LAMA1: variants seen among roughly 807,000 people sequenced by gnomAD.
LAMA1 encodes the protein laminin subunit alpha-1.
In LAMA1, 219 loss-of-function variants were observed where a neutral mutation model predicts 348.7. The ratio of observed to expected loss-of-function variants is 0.63; its 90% CI spans 0.56 to 0.70. The LOEUF (loss-of-function observed/expected upper bound fraction) is 0.70. Ranked by LOEUF, LAMA1 falls within the 30% of genes least tolerant of loss-of-function variation. The pLI, the probability that LAMA1 is intolerant of heterozygous loss-of-function variation, is 0.00. For missense variants in LAMA1, 3,744 were observed against 3,888.0 expected (o/e 0.96, Z 0.99); for synonymous variants, 1,487 against 1,491.0 (o/e 1.00, Z 0.06).
Position 6,955,406 on chromosome 18 carries a change from G to A in LAMA1, c.8154C>T (p.Leu2718=). 6.2e-7 allele frequency: 1 copy of A among 1,614,126 alleles called. No individual in the cohort carries two copies. Among genetic ancestry groups the A allele is most frequent in the Non-Finnish European group, 8.5e-7 (1 of 1,180,038 alleles). ...EYVPGAHQFG[L]TQNSHFILPF... ...GCAAGATGAAATGGCTGTTTTGTGT[G>A]AGACCAAACTGGTGAGCGCCGGGAA... The change falls in exon 57 of 63, where the codon CTC becomes CTT. Residue 2718 remains leucine (L), a synonymous_variant. Transcript: ENST00000389658.
rs141035601 is a variant in LAMA1 at position 7,111,198 on chromosome 18, C to G, written c.61+6462G>C. Among the ~76,000 whole-genome samples the G allele has an allele frequency of 2.3e-3, 350 of 152,204 alleles. 2 individuals carry two copies. The highest frequency in any genetic ancestry group is 8.0e-3 in the African/African-American group (331 of 41,520). ...AGATAACTTCTGGAATGAAGAGATT[C>G]AAACTTCAAATGGTTGATTAAAAAA... is the stretch of plus-strand genomic sequence containing the variant. On this transcript the variant is annotated intron_variant, in intron 1 of 62. Transcript: ENST00000389658.
At chr18:7,106,513 C>T (rs530139145) in intron 1 of LAMA1, among the ~76,000 whole-genome samples, 59 of 152,154 alleles carry the variant, frequency 3.9e-4, no homozygotes, top group African/African-American at 1.3e-3. Context: ...GTGTGCACCA[C>T]CACTCCCAGC....
At chr18:6,999,849 C>T (rs1430016529) in intron 31 of LAMA1, 62 bp downstream of exon 31, 2 of 1,455,164 alleles carry the variant, frequency 1.4e-6, no homozygotes, top group Non-Finnish European at 9.7e-7. Flanking sequence ...GTAAATATGC[C>T]CAATACCTTA....
At chr18:6,973,322 C>A (rs751818517) in intron 46 of LAMA1, 115 bp from the exon 47 acceptor site, 21 of 884,378 alleles carry the variant, frequency 2.4e-5, no homozygotes, top group South Asian at 4.3e-5. Flanking sequence ...TGCAACAGCA[C>A]CCCCCTGCTG....
chr18:7,032,745 A>G (rs952882630), intron 15 of LAMA1, among the ~76,000 whole-genome samples: 21 of 152,198 alleles, frequency 1.4e-4, no homozygotes, highest in Non-Finnish European at 2.2e-4. Flanking sequence ...CTTGTTGACT[A>G]AGGCAAGAGG....
intron 12 of LAMA1, among the ~76,000 whole-genome samples, chr18:7,036,809 A>T (rs183228959): frequency 1.3e-5 from 2 of 152,344 alleles, no homozygotes; most frequent in Non-Finnish European, 1.5e-5. Flanking sequence ...GAAGCGTACC[A>T]AGCTACAAGA....
intron 24 of LAMA1, 80 bp from the exon 25 acceptor site, chr18:7,011,559 G>T: frequency 1.5e-6 from 2 of 1,304,636 alleles, no homozygotes; most frequent in Non-Finnish European, 1.1e-6. Flanking sequence ...TTCCATCATT[G>T]TTTCACAGAT....
At chr18:7,110,137 C>T (rs574206234) in intron 1 of LAMA1, among the ~76,000 whole-genome samples, 49 of 151,650 alleles carry the variant, frequency 3.2e-4, no homozygotes, top group Non-Finnish European at 5.9e-4. Context: ...GCCGAGATCA[C>T]GCTACTGCAC....
chr18:7,104,403 C>A (rs931120336), intron 1 of LAMA1, among the ~76,000 whole-genome samples: 1 of 152,154 alleles, frequency 6.6e-6, no homozygotes, highest in Non-Finnish European at 1.5e-5. Flanking sequence ...GCAAAACTCT[C>A]GGCCCTTAAG....
At position 6,943,338 on chromosome 18, in the gene LAMA1, G is replaced by A. The variant is rs1201037488; in HGVS notation, c.8909C>T (p.Thr2970Ile). ...GTGCCATTTTCCATCACAGAGCACA[G>A]TGGCGGTTTTGGGCTCATATGCAGC... ...ITAAYEPKTATVLCDGKWHTL... is the reference protein window; with the variant it reads ...ITAAYEPKTAIVLCDGKWHTL... The change falls in exon 62 of 63, where the codon ACT becomes ATT. Residue 2970 changes from threonine to isoleucine, a missense_variant. Around this residue, in one of 3 missense-constraint regions of LAMA1, gnomAD observed 232 missense variants for 264.4 expected, o/e 0.88. Transcript: ENST00000389658. The A allele has an allele frequency of 6.2e-7, 1 of 1,614,106 alleles. No homozygotes were observed. Among genetic ancestry groups the A allele is most frequent in the Non-Finnish European group, 8.5e-7 (1 of 1,180,050 alleles).
At chr18:7,010,812 C>G (rs1479587019) in intron 25 of LAMA1, among the ~76,000 whole-genome samples, 1 of 152,078 alleles carries the variant, frequency 6.6e-6, no homozygotes, top group Non-Finnish European at 1.5e-5. Flanking sequence ...TTTTTCCCCC[C>G]AAATGAGTGA....
intron 7 of LAMA1, 91 bp from the exon 8 acceptor site, chr18:7,043,496 T>C: frequency 9.8e-7 from 1 of 1,022,708 alleles, no homozygotes; most frequent in Non-Finnish European, 1.5e-6. Context: ...TTCTATGATT[T>C]TAGATTAAAT....
chr18:7,029,910 C>T (rs918334924), intron 16 of LAMA1, among the ~76,000 whole-genome samples: 2 of 151,440 alleles, frequency 1.3e-5, no homozygotes, highest in Non-Finnish European at 2.9e-5. Flanking sequence ...GATAGTTATA[C>T]GCAAGGCCCA....
At chr18:7,025,885 TAC>T in intron 17 of LAMA1, 92 bp downstream of exon 17, 4 of 1,508,846 alleles carry the variant, frequency 2.7e-6, no homozygotes, top group Non-Finnish European at 3.6e-6. Context: ...ACACACGTAT[TAC>T]ACACACAGTC....
intron 56 of LAMA1, 63 bp from the exon 57 acceptor site, chr18:6,955,528 G>A (rs372559318): frequency 4.1e-6 from 5 of 1,212,900 alleles, no homozygotes; most frequent in South Asian, 1.2e-5. Context: ...TGACACACGC[G>A]TGTTCCGCCA....
At position 7,093,827 on chromosome 18, in the gene LAMA1, T is replaced by C. The variant is rs566466696; in HGVS notation, c.62-13370A>G. Among the ~76,000 whole-genome samples, 120 of 144,654 alleles carry C rather than the reference T, an allele frequency of 8.3e-4. No individual in the cohort carries two copies. In the Middle Eastern group the frequency reaches 0.018, roughly 22 times the overall value. 94.9% of individuals were successfully genotyped at this position (144,654 alleles called of 152,430 possible). ...TCTCTCTCTGTTGCCCAGGCTGGAGTGCAGTGTCACGATATCGGCTCCCCG... is the reference window on the plus strand; with the variant it reads ...TCTCTCTCTGTTGCCCAGGCTGGAGCGCAGTGTCACGATATCGGCTCCCCG... On this transcript the variant is annotated intron_variant, in intron 1 of 62. Transcript: ENST00000389658.
intron 57 of LAMA1, among the ~76,000 whole-genome samples, chr18:6,951,755 C>T (rs981959031): frequency 6.6e-6 from 1 of 152,126 alleles, no homozygotes; most frequent in African/African-American, 2.4e-5. Context: ...GGACTCAGAA[C>T]AGATTCAGGA....
chr18:6,943,262 C>T lies in LAMA1; in HGVS notation c.8985G>A (p.Gly2995=), dbSNP rs771365086. The change falls in exon 62 of 63, where the codon GGG becomes GGA. Residue 2995 remains glycine (G), a synonymous_variant. Transcript: ENST00000389658. Reference sequence around the variant, plus strand: ...GTGGACTTTCAGCGCCAACTGCGTTCCCGTCAACAATCAGAGTGATACGGT... The same window carrying T: ...GTGGACTTTCAGCGCCAACTGCGTTTCCGTCAACAATCAGAGTGATACGGT... The part of the protein sequence containing the change: ...SKHRITLIVD[G]NAVGAESPHT... 1.7e-5 allele frequency: 27 copies of T among 1,614,168 alleles called. 1 individual carries two copies. In the South Asian group the frequency reaches 3.0e-4, roughly 18 times the overall value.
rs1398051304 is a variant in LAMA1 at position 7,042,032 on chromosome 18, A to G, written c.1261+113T>C. 6 of 794,280 alleles carry G rather than the reference A, an allele frequency of 7.6e-6. No individual in the cohort carries two copies. In the African/African-American group the frequency reaches 1.0e-4, roughly 14 times the overall value. The allele number at this position is 794,280 out of a possible 1,614,324, so 49.2% of individuals were successfully genotyped here. On this transcript the variant is annotated intron_variant, in intron 9 of 62. Transcript: ENST00000389658. ...GTGCTTGATACGTACTTGGTGAACA[A>G]AAGAATCAATAATCATGTTACCAAC...
Sources: gnomAD v4.1 joint callset for allele counts (sites outside exome capture counted in the v4.1 genomes callset) on GRCh38, gnomAD v4.1.1 for gene constraint, gnomAD v4.1.1 regional missense constraint, MANE v1.5 for transcripts, NCBI Gene and HGNC (gene_info 2026-07-23, HGNC 2026-07-21) for gene names.